RYR1: variants seen among roughly 807,000 people sequenced by gnomAD.
RYR1 encodes central core disease of muscle.
RYR1 carries 342 observed loss-of-function variants against 583.5 expected under a neutral mutation model. The observed-to-expected ratio is 0.59, with a 90% CI of 0.54 to 0.64. RYR1 has a LOEUF of 0.64. RYR1 is among the 30% of genes least tolerant of loss of function. The pLI, the probability that RYR1 is intolerant of heterozygous loss-of-function variation, is 0.00. For missense variants in RYR1, 6,032 were observed against 6,917.2 expected (o/e 0.87, Z 4.54); for synonymous variants, 2,791 against 2,822.5 (o/e 0.99, Z 0.35).
intron 7 of RYR1, among the ~76,000 whole-genome samples, chr19:38,445,351 G>T: frequency 6.7e-6 from 1 of 150,240 alleles, no homozygotes; most frequent in East Asian, 1.9e-4. Flanking sequence ...CCAATCTTCA[G>T]CCCTCCAACC....
At chr19:38,504,188 C>G in intron 49 of RYR1, 32 bp from the exon 50 acceptor site, 1 of 1,594,226 alleles carries the variant, frequency 6.3e-7, no homozygotes, top group East Asian at 2.3e-5. Flanking sequence ...GTGCCCCCCT[C>G]ATTTGTGTGT....
chr19:38,523,001 C>T, intron 67 of RYR1, 27 bp from the exon 68 acceptor site: 1 of 1,550,876 alleles, frequency 6.4e-7, no homozygotes, highest in Non-Finnish European at 8.7e-7. Flanking sequence ...CCCACCCCCT[C>T]CCTCACCTCC....
rs771019547 is a variant in RYR1 at position 38,577,896 on chromosome 19, A to G, written c.14173-22A>G. The G allele has an allele frequency of 7.4e-6, 12 of 1,613,884 alleles. No individual in the cohort carries two copies. In the Admixed American group the frequency reaches 1.0e-4, roughly 13 times the overall value. ...ACCCACACTCCAGCTGTGTCTACAC[A>G]GCCTGATGCTCTCTTGTGCAGGTCC... On this transcript the variant is annotated intron_variant, in intron 97 of 105. Coordinates refer to ENST00000359596, the MANE Select transcript of RYR1 (RefSeq NM_000540.3).
At chr19:38,529,128 C>G in intron 76 of RYR1, 71 bp downstream of exon 76, 2 of 1,512,564 alleles carry the variant, frequency 1.3e-6, no homozygotes, top group South Asian at 2.3e-5. Context: ...AGCAGCTTCC[C>G]TGTGCCTCAG....
intron 23 of RYR1, 146 bp downstream of exon 23, chr19:38,464,868 G>A: frequency 1.5e-6 from 1 of 688,620 alleles, no homozygotes; most frequent in Non-Finnish European, 2.6e-6. Context: ...CATAGGGTCA[G>A]GGCTCTGGGG....
rs1600831610 is a variant in RYR1 at position 38,502,555 on chromosome 19, T to C, written c.7663T>C (p.Cys2555Arg). 6.2e-7 allele frequency: 1 copy of C among 1,611,462 alleles called. No individual in the cohort carries two copies. The highest frequency in any genetic ancestry group is 1.1e-5 in the South Asian group (1 of 91,010). Residue 2555 changes from cysteine to arginine, a missense_variant, in exon 48 of 106, where the codon TGC becomes CGC. Physicochemically the swap from Cys to Arg is radical, Grantham distance 180. Transcript: ENST00000359596. ...GGCGCTGGCGCTGAACCGCTACCTG[T>C]GCCTGGCCGTGCTGCCGCTCATCAC... ...EMALALNRYLCLAVLPLITKC... is the reference protein window; with the variant it reads ...EMALALNRYLRLAVLPLITKC...
chr19:38,543,469 G>A lies in RYR1; in HGVS notation c.11778+34G>A. The A allele has an allele frequency of 6.2e-7, 1 of 1,614,226 alleles. No homozygotes were observed. The highest frequency in any genetic ancestry group is 8.5e-7 in the Non-Finnish European group (1 of 1,180,036). On this transcript the variant is annotated intron_variant, in intron 85 of 105. Coordinates refer to ENST00000359596, the MANE Select transcript of RYR1 (RefSeq NM_000540.3). This position sits in a 1 kb window ranked among gnomAD's most constrained non-coding sequence, Gnocchi z 4.4. ...GTGAGACGGTTCAGGTGTGACTTGG[G>A]TCGGGGGCTGCAGGGCCATGGTCGG...
chr19:38,583,353 C>G (rs915213208), intron 101 of RYR1, among the ~76,000 whole-genome samples: 1 of 151,286 alleles, frequency 6.6e-6, no homozygotes. Flanking sequence ...GTGACACGCA[C>G]CTGTATTCCC....
intron 87 of RYR1, 147 bp downstream of exon 87, chr19:38,544,022 C>T (rs1179670939): frequency 1.3e-6 from 1 of 796,414 alleles, no homozygotes; most frequent in Non-Finnish European, 2.1e-6. Flanking sequence ...AATCCATCCT[C>T]TTTCTGGATT....
At position 38,499,016 on chromosome 19, in the gene RYR1, G is replaced by T; in HGVS notation, c.6892-92G>T. On this transcript the variant is annotated intron_variant, in intron 42 of 105. Transcript: ENST00000359596. The surrounding 1 kb of genome is among the most constrained non-coding windows in gnomAD (Gnocchi z 7.3). ...GATCAGAGCTGAACCGGACTGAGGA[G>T]CCGCAGGGCAGGGCAGGGCAGGGCA... The T allele has an allele frequency of 6.5e-7, 1 of 1,541,886 alleles. No individual in the cohort carries two copies. The highest frequency in any genetic ancestry group is 1.2e-5 in the South Asian group (1 of 83,508).
chr19:38,567,750 CCT>C (rs754698399), intron 92 of RYR1, 21 bp from the exon 93 acceptor site: 9 of 1,614,044 alleles, frequency 5.6e-6, no homozygotes, highest in Admixed American at 1.7e-5. Flanking sequence ...CACCTCCTGA[CCT>C]CTCTCTGTCC....
At chr19:38,566,747 C>T (rs1973456028) in intron 91 of RYR1, among the ~76,000 whole-genome samples, 164 bp from the exon 92 acceptor site, 1 of 152,124 alleles carries the variant, frequency 6.6e-6, no homozygotes, top group Non-Finnish European at 1.5e-5. Flanking sequence ...CTCAGTTTCC[C>T]CTCTGTAAAA....
At chr19:38,493,516 G>A (rs112542526) in intron 38 of RYR1, among the ~76,000 whole-genome samples, 2 of 115,748 alleles carry the variant, frequency 1.7e-5, no homozygotes, top group East Asian at 4.7e-4. Context: ...TTTCTTTTTC[G>A]TTTTTTTTTT....
Position 38,528,963 on chromosome 19 carries a change from CAGG to C in RYR1, c.11061_11063del (p.Glu3689del), listed in dbSNP as rs760784102. Reference sequence around the variant, plus strand: ...CCTCTCCCACCAGAAAGCTGGGGAGCAGGAGGAGGAGGAGGAAGAGGTGGAAGA... The same window carrying C: ...CCTCTCCCACCAGAAAGCTGGGGAGCAGGAGGAGGAGGAAGAGGTGGAAGA... On this transcript the variant is annotated inframe_deletion, in exon 76 of 106. Transcript: ENST00000359596. 1,076 of 1,581,278 alleles carry C rather than the reference CAGG, an allele frequency of 6.8e-4. 3 individuals are homozygous for C. Among genetic ancestry groups the C allele is most frequent in the African/African-American group, 2.8e-3 (206 of 74,344 alleles).
At chr19:38,536,136 C>T in intron 82 of RYR1, 66 bp downstream of exon 82, 4 of 1,389,246 alleles carry the variant, frequency 2.9e-6, no homozygotes, top group Non-Finnish European at 3.9e-6. Context: ...CCCACCCCAC[C>T]CCCACCCGCC....
chr19:38,586,037 CG>C (rs1568613210), intron 103 of RYR1, 35 bp downstream of exon 103: 1 of 1,613,948 alleles, frequency 6.2e-7, no homozygotes, highest in African/African-American at 1.3e-5. Context: ...AGAGGGATTA[CG>C]GGATTCAGGG....
chr19:38,530,456 A>T (rs149025660), intron 76 of RYR1, among the ~76,000 whole-genome samples: 28 of 138,304 alleles, frequency 2.0e-4, no homozygotes, highest in African/African-American at 6.6e-4. Flanking sequence ...TCTGGTAGAG[A>T]TGGGGGTCTC....
chr19:38,450,676 A>C (rs1967026069), intron 11 of RYR1, among the ~76,000 whole-genome samples: 1 of 152,070 alleles, frequency 6.6e-6, no homozygotes, highest in African/African-American at 2.4e-5. Flanking sequence ...ATAGGGCACA[A>C]ATTTCTGGCT....
chr19:38,437,818 C>T (rs1329667535), intron 1 of RYR1, among the ~76,000 whole-genome samples: 1 of 151,312 alleles, frequency 6.6e-6, no homozygotes, highest in Non-Finnish European at 1.5e-5. Context: ...CCTGTGTCTA[C>T]AAAAATATAT....
Sources: gnomAD v4.1 joint callset for allele counts (sites outside exome capture counted in the v4.1 genomes callset) on GRCh38, gnomAD v4.1.1 for gene constraint, Gnocchi (gnomAD v3.1) non-coding constraint, MANE v1.5 for transcripts, NCBI Gene and HGNC (gene_info 2026-07-23, HGNC 2026-07-21) for gene names.